GALNTL6: variants seen among roughly 807,000 people sequenced by gnomAD.
The protein encoded by GALNTL6 is polypeptide N-acetylgalactosaminyltransferase like 6.
Under a neutral mutation model 73.7 loss-of-function variants are expected in GALNTL6, and 46 were observed. The observed-to-expected ratio is 0.62, with a 90% confidence interval of 0.49 to 0.80. GALNTL6 has a LOEUF of 0.80. GALNTL6 is among the 30% of genes least tolerant of loss of function. The probability of loss-of-function intolerance (pLI) is 0.00; values close to 1 mark genes in which losing one functional copy is unlikely to be tolerated. For synonymous variants in GALNTL6, 259 were observed against 263.7 expected, an observed-to-expected ratio of 0.98 and a Z score of 0.17; for missense variants, 604 against 755.0, an observed-to-expected ratio of 0.80 and a Z score of 2.34.
At chr4:172,684,620 T>C (rs993397628) in intron 5 of GALNTL6, among the ~76,000 whole-genome samples, 5 of 152,108 alleles carry the variant, frequency 3.3e-5, no homozygotes, top group African/African-American at 9.7e-5. Context: ...AGTACCTAAA[T>C]TGGGGAGAAT....
intron 5 of GALNTL6, among the ~76,000 whole-genome samples, chr4:172,728,327 G>A (rs986697714): frequency 2.0e-5 from 3 of 151,992 alleles, no homozygotes; most frequent in South Asian, 2.1e-4. Context: ...CAATCTTCAT[G>A]AGATCCACTT....
At chr4:173,039,791 T>G in intron 12 of GALNTL6, 142 bp from the exon 13 acceptor site, 2 of 620,840 alleles carry the variant, frequency 3.2e-6, no homozygotes, top group Non-Finnish European at 5.3e-6. Flanking sequence ...CCACCTGCTA[T>G]TGTTTGATTT....
intron 3 of GALNTL6, among the ~76,000 whole-genome samples, chr4:172,251,103 G>A (rs1737850966): frequency 6.6e-6 from 1 of 152,094 alleles, no homozygotes; most frequent in Admixed American, 6.6e-5. Context: ...GTAAGAAATT[G>A]GCTTACATGA....
chr4:172,595,577 G>T (rs1295795990), intron 5 of GALNTL6, among the ~76,000 whole-genome samples: 1 of 152,148 alleles, frequency 6.6e-6, no homozygotes, highest in Non-Finnish European at 1.5e-5. Flanking sequence ...CTTACGTATT[G>T]TTATATTTAA....
At chr4:172,996,346 C>T (rs1649057704) in intron 10 of GALNTL6, among the ~76,000 whole-genome samples, 1 of 151,930 alleles carries the variant, frequency 6.6e-6, no homozygotes, top group Non-Finnish European at 1.5e-5. Context: ...GATGAGAACA[C>T]ATGGATGCAT....
chr4:172,785,516 G>A (rs1275197936), intron 5 of GALNTL6, among the ~76,000 whole-genome samples: 1 of 151,984 alleles, frequency 6.6e-6, no homozygotes, highest in Non-Finnish European at 1.5e-5. Context: ...TATGTGTCAG[G>A]CACTATTCCA....
chr4:172,459,207 T>C (rs1268526100), intron 5 of GALNTL6, among the ~76,000 whole-genome samples: 4 of 151,992 alleles, frequency 2.6e-5, no homozygotes, highest in African/African-American at 4.8e-5. Context: ...AGTGTTGGAA[T>C]GTATCTCAAA....
chr4:172,197,911 C>T (rs1190385837), intron 2 of GALNTL6, among the ~76,000 whole-genome samples: 2 of 152,096 alleles, frequency 1.3e-5, no homozygotes, highest in East Asian at 3.9e-4. Context: ...AGATCGAGAC[C>T]ATCCTGGCTA....
intron 2 of GALNTL6, among the ~76,000 whole-genome samples, chr4:172,004,766 A>AATAAGAG (rs981791383): frequency 8.2e-3 from 3 of 368 alleles, no homozygotes; most frequent in African/African-American, 0.013. Flanking sequence ...TCAGATGCCC[A>AATAAGAG]ATTACTGAAG....
chr4:172,349,996 G>A (rs1208925779), intron 5 of GALNTL6, among the ~76,000 whole-genome samples: 1 of 151,874 alleles, frequency 6.6e-6, no homozygotes, highest in Middle Eastern at 3.2e-3. Context: ...CAATGTAAAT[G>A]GCATATTCAC....
At chr4:172,892,782 T>C (rs1746108728) in intron 8 of GALNTL6, among the ~76,000 whole-genome samples, 1 of 152,150 alleles carries the variant, frequency 6.6e-6, no homozygotes, top group African/African-American at 2.4e-5. Context: ...CCCTTTTCAA[T>C]TATTGGTGTT....
chr4:172,175,077 G>T (rs1201347424), intron 2 of GALNTL6, among the ~76,000 whole-genome samples: 1 of 133,376 alleles, frequency 7.5e-6, no homozygotes, highest in East Asian at 2.0e-4. Flanking sequence ...AGACAAACAA[G>T]AATTTTTTTT....
intron 3 of GALNTL6, among the ~76,000 whole-genome samples, chr4:172,258,163 A>G (rs1222811806): frequency 1.3e-5 from 2 of 151,394 alleles, no homozygotes; most frequent in Admixed American, 1.3e-4. Flanking sequence ...GACTTAATAT[A>G]TAGCTACTTA....
intron 2 of GALNTL6, among the ~76,000 whole-genome samples, chr4:172,032,276 T>C (rs1368502179): frequency 6.6e-6 from 1 of 152,048 alleles, no homozygotes; most frequent in Admixed American, 6.6e-5. Context: ...ATTTATAATT[T>C]GAAAGAGATT....
chr4:172,005,610 G>A (rs962671643), intron 2 of GALNTL6, among the ~76,000 whole-genome samples: 2 of 151,968 alleles, frequency 1.3e-5, no homozygotes, highest in Admixed American at 1.3e-4. Context: ...ATATATGTAT[G>A]TGTGTGTATA....
intron 3 of GALNTL6, among the ~76,000 whole-genome samples, chr4:172,265,465 A>G (rs1006534981): frequency 1.3e-5 from 2 of 152,074 alleles, no homozygotes; most frequent in African/African-American, 2.4e-5. Context: ...TACGACATCA[A>G]TCAAAATATT....
chr4:172,365,947 T>TA lies in GALNTL6; in HGVS notation c.553+17264dup, dbSNP rs539614187. On this transcript the variant is annotated intron_variant, in intron 5 of 12. Coordinates refer to ENST00000506823, the MANE Select transcript of GALNTL6 (RefSeq NM_001034845.3). ...AAATGAGATAAGCCTTATATAACTG[T>TA]AAAAAAGCAGCAATTCATCTGCATT... Among the ~76,000 whole-genome samples the TA allele has an allele frequency of 3.5e-3, 527 of 152,224 alleles. 2 individuals are homozygous for TA. The highest frequency in any genetic ancestry group is 0.012 in the African/African-American group (488 of 41,536).
chr4:172,299,235 G>A (rs983661183), intron 3 of GALNTL6, among the ~76,000 whole-genome samples: 1 of 152,004 alleles, frequency 6.6e-6, no homozygotes, highest in Admixed American at 6.6e-5. Flanking sequence ...ATTTTTTATT[G>A]CATCTATTTG....
At chr4:172,934,493 A>T (rs769308960) in intron 9 of GALNTL6, among the ~76,000 whole-genome samples, 30 of 152,358 alleles carry the variant, frequency 2.0e-4, no homozygotes, top group Admixed American at 3.3e-4. Flanking sequence ...AACAAAAATC[A>T]GCATCACTTT....
Sources: allele counts gnomAD v4.1 joint callset (sites outside exome capture counted in the v4.1 genomes callset), GRCh38; gene constraint gnomAD v4.1.1; transcripts MANE v1.5; gene names NCBI Gene and HGNC (gene_info 2026-07-23, HGNC 2026-07-21).